The following RBFOX1 variants were observed in gnomAD, a reference collection of about 807,000 sequenced individuals.
RBFOX1 encodes the protein RNA binding fox-1 homolog 1.
A neutral mutation model predicts 57.7 loss-of-function variants in RBFOX1; 8 were observed. The ratio of observed to expected loss-of-function variants is 0.14; its 90% CI spans 0.08 to 0.25. RBFOX1 has a LOEUF of 0.25. RBFOX1 is among the 10% of genes least tolerant of loss of function. The probability of loss-of-function intolerance (pLI) is 1.00; values close to 1 mark genes in which losing one functional copy is unlikely to be tolerated. For missense variants in RBFOX1, 611 were observed against 548.5 expected (o/e 1.11, Z -1.14); for synonymous variants, 326 against 222.4 (o/e 1.47, Z -4.15).
chr16:5,245,439 C>T (rs200005768), intron 1 of RBFOX1, among the ~76,000 whole-genome samples: 4 of 151,718 alleles, frequency 2.6e-5, no homozygotes, highest in Admixed American at 6.6e-5. Context: ...TCCCAGGTAG[C>T]CAGTGGTTGA....
At chr16:7,175,548 G>A (rs578111710) in intron 4 of RBFOX1, among the ~76,000 whole-genome samples, 33 of 152,204 alleles carry the variant, frequency 2.2e-4, no homozygotes, top group African/African-American at 7.2e-4. Flanking sequence ...CATGCCACAG[G>A]TAGGCACATA....
At chr16:6,397,701 T>C (rs562056871) in intron 2 of RBFOX1, among the ~76,000 whole-genome samples, 34 of 152,332 alleles carry the variant, frequency 2.2e-4, no homozygotes, top group South Asian at 6.2e-4. Flanking sequence ...ATCACTGTTT[T>C]TTGGAGTTTG....
intron 4 of RBFOX1, among the ~76,000 whole-genome samples, chr16:7,239,791 G>A (rs752657155): frequency 6.6e-6 from 1 of 152,006 alleles, no homozygotes; most frequent in Non-Finnish European, 1.5e-5. Flanking sequence ...TGAAAATGGG[G>A]CATTTGGCTT....
intron 1 of RBFOX1, among the ~76,000 whole-genome samples, chr16:6,062,932 A>T (rs2095707823): frequency 6.6e-6 from 1 of 152,180 alleles, no homozygotes; most frequent in South Asian, 2.1e-4. Context: ...TCTGTGTTAC[A>T]GTCTTAAGGC....
chr16:6,703,717 A>G (rs1489707492), intron 3 of RBFOX1, among the ~76,000 whole-genome samples: 1 of 152,054 alleles, frequency 6.6e-6, no homozygotes, highest in African/African-American at 2.4e-5. Flanking sequence ...AAAAGAAAAA[A>G]AAGAAAAGAA....
intron 1 of RBFOX1, among the ~76,000 whole-genome samples, chr16:5,291,928 C>T (rs11646077): frequency 0.43 from 64,602 of 150,558 alleles, 14,072 homozygotes; most frequent in East Asian, 0.58. Flanking sequence ...CTTGGGGTCC[C>T]TTTGTGAAGA....
chr16:6,305,427 G>A (rs146984064), intron 1 of RBFOX1, among the ~76,000 whole-genome samples: 2,424 of 151,998 alleles, frequency 0.016, 28 homozygotes, highest in Non-Finnish European at 0.027. Context: ...TCTTTTTCCT[G>A]TTAATTTTTA....
At chr16:5,769,633 A>G (rs1356943987) in intron 3 of RBFOX1, among the ~76,000 whole-genome samples, 1 of 152,146 alleles carries the variant, frequency 6.6e-6, no homozygotes, top group Admixed American at 6.5e-5. Context: ...AGTCTGGGCA[A>G]CAGAGTGAGA....
intron 4 of RBFOX1, among the ~76,000 whole-genome samples, chr16:7,261,307 C>G (rs1454965523): frequency 6.6e-6 from 1 of 152,132 alleles, no homozygotes; most frequent in African/African-American, 2.4e-5. Context: ...ATGGCAGGTT[C>G]TCAATAAAAG....
At chr16:7,209,307 C>A (rs750337886) in intron 4 of RBFOX1, among the ~76,000 whole-genome samples, 1 of 151,982 alleles carries the variant, frequency 6.6e-6, no homozygotes, top group Non-Finnish European at 1.5e-5. Context: ...TGCATTCCAG[C>A]GTAGGCGACA....
chr16:6,975,248 A>T (rs576334884), intron 3 of RBFOX1, among the ~76,000 whole-genome samples: 1 of 143,154 alleles, frequency 7.0e-6, no homozygotes, highest in Non-Finnish European at 1.5e-5. Flanking sequence ...CTCAACCAAG[A>T]AGAAATCATG....
At chr16:7,144,417 C>CTTCTTCTTT (rs3046798) in intron 4 of RBFOX1, among the ~76,000 whole-genome samples, 684 of 66,928 alleles carry the variant, frequency 0.01, 24 homozygotes, top group African/African-American at 0.04. Context: ...TTTCTTTCTT[C>CTTCTTCTTT]TTTTTTTTTT....
chr16:6,315,793 C>T (rs567201842), intron 1 of RBFOX1, among the ~76,000 whole-genome samples: 1 of 152,244 alleles, frequency 6.6e-6, no homozygotes, highest in East Asian at 1.9e-4. Flanking sequence ...ACCCCTCTTT[C>T]CAATATTTTG....
In RBFOX1 at chr16:5,947,319, G is replaced by A. The variant is rs535866515; in HGVS notation, c.351+79984G>A. ...CAGAGGGGGAGGTCAGATCGCCATC[G>A]AATGGACACCTCTTTTTACAACCAT... is the stretch of plus-strand genomic sequence containing the variant. On this transcript the variant is annotated intron_variant, in intron 4 of 19. Transcript: ENST00000641259. The surrounding 1 kb of genome is among the most constrained non-coding windows in gnomAD (Gnocchi z 7.2). Among the ~76,000 whole-genome samples, 44 of 152,292 alleles carry A rather than the reference G, an allele frequency of 2.9e-4. No homozygotes were observed. The highest frequency in any genetic ancestry group is 9.1e-4 in the African/African-American group (38 of 41,556).
chr16:6,805,107 C>T (rs1354552264), intron 3 of RBFOX1, among the ~76,000 whole-genome samples: 4 of 152,074 alleles, frequency 2.6e-5, no homozygotes, highest in Middle Eastern at 3.2e-3. Flanking sequence ...TTCACTGCAG[C>T]ATTACTCACA....
At chr16:5,243,826 C>A (rs533874558) in intron 1 of RBFOX1, among the ~76,000 whole-genome samples, 90 of 152,248 alleles carry the variant, frequency 5.9e-4, no homozygotes, top group African/African-American at 2.0e-3. Context: ...GATACACTTT[C>A]ATAGGAAGGT....
intron 4 of RBFOX1, among the ~76,000 whole-genome samples, chr16:7,130,158 A>T (rs1396712923): frequency 1.3e-5 from 2 of 150,252 alleles, no homozygotes; most frequent in East Asian, 3.9e-4. Flanking sequence ...TCAGCCTTCC[A>T]AGTAGTTGGA....
chr16:7,370,990 A>G (rs2097555190), intron 4 of RBFOX1, among the ~76,000 whole-genome samples: 1 of 152,212 alleles, frequency 6.6e-6, no homozygotes, highest in Admixed American at 6.5e-5. Flanking sequence ...TTGTAGCATC[A>G]GCAGGACAGG....
At chr16:7,162,482 C>G (rs1177981046) in intron 4 of RBFOX1, among the ~76,000 whole-genome samples, 1 of 151,038 alleles carries the variant, frequency 6.6e-6, no homozygotes. Flanking sequence ...GTAACCCCAG[C>G]ACTTTGAGAG....
Sources: gnomAD v4.1 joint callset for allele counts (sites outside exome capture counted in the v4.1 genomes callset) on GRCh38, gnomAD v4.1.1 for gene constraint, Gnocchi (gnomAD v3.1) non-coding constraint, MANE v1.5 for transcripts, NCBI Gene and HGNC (gene_info 2026-07-23, HGNC 2026-07-21) for gene names.